LPCAT2: variants seen among roughly 807,000 people sequenced by gnomAD.
LPCAT2 encodes the protein 1-AGP acyltransferase 11.
In LPCAT2, 58 loss-of-function variants were observed where a neutral mutation model predicts 64.7. The observed-to-expected ratio is 0.90, with a 90% CI of 0.73 to 1.12. The LOEUF (loss-of-function observed/expected upper bound fraction) is 1.12, where lower values mean the gene tolerates loss of function less well. Among genes scored for constraint, LPCAT2 ranks in the 50% most tolerant of loss-of-function variants. LPCAT2 has a pLI of 0.00. For synonymous variants in LPCAT2, 252 were observed against 245.3 expected, an observed-to-expected ratio of 1.03 and a Z score of -0.26; for missense variants, 579 against 669.8, an observed-to-expected ratio of 0.86 and a Z score of 1.50.
Position 55,579,149 on chromosome 16 carries a change from A to T in LPCAT2, c.1355A>T (p.Glu452Val). The T allele has an allele frequency of 6.2e-7, 1 of 1,613,462 alleles. No individual in the cohort carries two copies. Among genetic ancestry groups the T allele is most frequent in the Non-Finnish European group, 8.5e-7 (1 of 1,179,582 alleles). Residue 452 changes from glutamate to valine, a missense_variant, in exon 13 of 14, where the codon GAG becomes GTG. Physicochemically the swap from Glu to Val is moderately radical, Grantham distance 121. Transcript: ENST00000262134. ...GAGGATGGCTACATAACGGAGGAAG[A>T]GTTCTCCACCATTCTACAGGCTTCC... ...VDEDGYITEEEFSTILQASLG... is the reference protein window; with the variant it reads ...VDEDGYITEEVFSTILQASLG...
chr16:55,568,216 A>T (rs79290226), intron 11 of LPCAT2, among the ~76,000 whole-genome samples: 1 of 152,220 alleles, frequency 6.6e-6, no homozygotes, highest in Non-Finnish European at 1.5e-5. Context: ...GAGGAATAAA[A>T]CAATATGCTC....
intron 1 of LPCAT2, 106 bp downstream of exon 1, chr16:55,509,458 G>T: frequency 8.3e-7 from 1 of 1,202,856 alleles, no homozygotes; most frequent in Non-Finnish European, 1.1e-6. Context: ...GCCGAGGGGG[G>T]CGTGGGTCTG....
At chr16:55,565,075 G>A (rs1963677525) in intron 11 of LPCAT2, among the ~76,000 whole-genome samples, 1 of 152,020 alleles carries the variant, frequency 6.6e-6, no homozygotes, top group African/African-American at 2.4e-5. Flanking sequence ...TCTTTGGTCA[G>A]TAAGTATTAA....
At chr16:55,523,704 G>T (rs767523436) in intron 1 of LPCAT2, among the ~76,000 whole-genome samples, 1 of 151,890 alleles carries the variant, frequency 6.6e-6, no homozygotes, top group African/African-American at 2.4e-5. Context: ...TTATTTATAT[G>T]AACATCTAGA....
intron 12 of LPCAT2, among the ~76,000 whole-genome samples, chr16:55,578,140 C>T (rs1963848438): frequency 6.6e-6 from 1 of 152,136 alleles, no homozygotes; most frequent in Admixed American, 6.6e-5. Context: ...TCTGTCAGTT[C>T]CTCTTCACTA....
rs1205088539 is a variant in LPCAT2, at chr16:55,545,775, A to T, written c.893A>T (p.Asp298Val). Residue 298 changes from aspartate to valine, a missense_variant, in exon 9 of 14, where the codon GAT (aspartate) becomes GTT (valine). Physicochemically the swap from Asp to Val is radical, Grantham distance 152. Coordinates refer to ENST00000262134, the MANE Select transcript of LPCAT2 (RefSeq NM_017839.5). ...VQVPNDEEKN[D>V]PVLFANKVRN... Reference sequence around the variant, plus strand: ...GTACCAAATGATGAAGAAAAAAATGATCCTGTCCTTTTTGCCAATAAAGTC... The same window carrying T: ...GTACCAAATGATGAAGAAAAAAATGTTCCTGTCCTTTTTGCCAATAAAGTC... 2 of 1,613,424 alleles carry T rather than the reference A, an allele frequency of 1.2e-6. No individual in the cohort carries two copies. Among genetic ancestry groups the T allele is most frequent in the Non-Finnish European group, 1.7e-6 (2 of 1,179,650 alleles).
intron 7 of LPCAT2, among the ~76,000 whole-genome samples, chr16:55,536,234 TC>T (rs1223690784): frequency 1.3e-5 from 2 of 152,114 alleles, no homozygotes; most frequent in African/African-American, 2.4e-5. Flanking sequence ...AAAACGAATA[TC>T]CCAAGGAAAA....
chr16:55,529,978 A>G, intron 4 of LPCAT2, 31 bp downstream of exon 4: 1 of 1,499,262 alleles, frequency 6.7e-7, no homozygotes, highest in Admixed American at 1.8e-5. Flanking sequence ...ATTTAAATAT[A>G]GTGGGAGTTT....
intron 11 of LPCAT2, among the ~76,000 whole-genome samples, chr16:55,573,030 G>C (rs1963788112): frequency 6.6e-6 from 1 of 152,156 alleles, no homozygotes; most frequent in Admixed American, 6.5e-5. Flanking sequence ...TTTGTTTCAG[G>C]AATAAACCTT....
At chr16:55,578,645 A>G (rs1963855554) in intron 12 of LPCAT2, among the ~76,000 whole-genome samples, 1 of 152,120 alleles carries the variant, frequency 6.6e-6, no homozygotes, top group African/African-American at 2.4e-5. Flanking sequence ...ATAGGATCAC[A>G]CCACCTCCAC....
intron 3 of LPCAT2, 108 bp downstream of exon 3, chr16:55,528,702 CA>C: frequency 5.1e-6 from 4 of 782,888 alleles, no homozygotes; most frequent in Non-Finnish European, 8.1e-6. Context: ...TTAAAATAAA[CA>C]TTTCAAACAT....
intron 11 of LPCAT2, among the ~76,000 whole-genome samples, chr16:55,558,021 A>G (rs559373319): frequency 3.9e-5 from 6 of 152,314 alleles, no homozygotes; most frequent in African/African-American, 1.4e-4. Context: ...AAAACAAAAA[A>G]GACCCTTTCC....
At chr16:55,532,717 C>T (rs1963270199) in intron 5 of LPCAT2, 107 bp from the exon 6 acceptor site, 7 of 691,148 alleles carry the variant, frequency 1.0e-5, no homozygotes, top group Non-Finnish European at 1.5e-5. Context: ...TTCTGTTACA[C>T]ATACTCTTAA....
At chr16:55,542,587 T>A (rs1963410638) in intron 8 of LPCAT2, among the ~76,000 whole-genome samples, 1 of 152,056 alleles carries the variant, frequency 6.6e-6, no homozygotes, top group Non-Finnish European at 1.5e-5. Context: ...GATGTGTGAT[T>A]GGCACTGTGG....
intron 1 of LPCAT2, among the ~76,000 whole-genome samples, chr16:55,511,913 T>G (rs547187991): frequency 3.9e-5 from 6 of 152,198 alleles, no homozygotes; most frequent in Non-Finnish European, 8.8e-5. Context: ...TTTTTAATAA[T>G]GATACCTCTT....
At chr16:55,552,057 A>C (rs1342476962) in intron 11 of LPCAT2, among the ~76,000 whole-genome samples, 4 of 152,218 alleles carry the variant, frequency 2.6e-5, no homozygotes, top group Non-Finnish European at 5.9e-5. Flanking sequence ...CAACAGTTGA[A>C]AAAATATATA....
At chr16:55,571,103 G>A (rs1282741652) in intron 11 of LPCAT2, among the ~76,000 whole-genome samples, 1 of 152,106 alleles carries the variant, frequency 6.6e-6, no homozygotes, top group Non-Finnish European at 1.5e-5. Flanking sequence ...ATTGCAAAAT[G>A]TATTCAAAAC....
intron 11 of LPCAT2, chr16:55,567,623 C>A: frequency 2.0e-6 from 2 of 983,546 alleles, no homozygotes; most frequent in Non-Finnish European, 3.1e-6. Context: ...TCTTTCACAA[C>A]CCTACATATT....
At chr16:55,533,406 G>GTTTGTTT (rs1963280094) in intron 6 of LPCAT2, among the ~76,000 whole-genome samples, 1 of 96,444 alleles carries the variant, frequency 1.0e-5, no homozygotes, top group African/African-American at 4.1e-5. Flanking sequence ...TGTTTTTCGG[G>GTTTGTTT]TTTTTTTTTT....
Sources: gnomAD v4.1 joint callset for allele counts (sites outside exome capture counted in the v4.1 genomes callset) on GRCh38, gnomAD v4.1.1 for gene constraint, MANE v1.5 for transcripts, NCBI Gene and HGNC (gene_info 2026-07-23, HGNC 2026-07-21) for gene names.